ETV3: variants seen among roughly 807,000 people sequenced by gnomAD.
ETV3 encodes the protein ETS variant transcription factor 3, also known as ETS translocation variant 3.
Under a neutral mutation model 33.0 loss-of-function variants are expected in ETV3, and 8 were observed. The ratio of observed to expected loss-of-function variants is 0.24; its 90% confidence interval spans 0.14 to 0.44. The LOEUF (loss-of-function observed/expected upper bound fraction) is 0.44. ETV3 is among the 20% of genes least tolerant of loss of function. The pLI, the probability that ETV3 is intolerant of heterozygous loss-of-function variation, is 1.00. For synonymous variants in ETV3, 222 were observed against 238.9 expected (o/e 0.93, Z 0.65); for missense variants, 473 against 652.3 (o/e 0.73, Z 2.99).
At chr1:157,126,084 C>T (rs546349754) in intron 4 of ETV3, 105 bp from the exon 5 acceptor site, 1 of 1,044,066 alleles carries the variant, frequency 9.6e-7, no homozygotes, top group African/African-American at 1.6e-5. Context: ...AGGAAACAAT[C>T]ATTCCAACTG....
chr1:157,134,012 T>A lies in ETV3; in HGVS notation c.400+100A>T. 1.2e-5 allele frequency: 19 copies of A among 1,526,124 alleles called. No homozygotes were observed. In the South Asian group the frequency reaches 2.4e-4, roughly 19 times the overall value. The allele number at this position is 1,526,124 out of a possible 1,614,324, so 94.5% of individuals were successfully genotyped here. On this transcript the variant is annotated intron_variant, in intron 4 of 4. Transcript: ENST00000368192. ...TCCAAAGGATCACATTATTTTAGTG[T>A]TTCTAAAATCTTCCTAAACATGCCA... is the stretch of plus-strand genomic sequence containing the variant.
At chr1:157,133,664 A>C (rs1675025898) in intron 4 of ETV3, 1 of 990,426 alleles carries the variant, frequency 1.0e-6, no homozygotes, top group Non-Finnish European at 1.2e-6. Context: ...TTCTCTGATC[A>C]AGGATGCTGT....
chr1:157,137,620 G>A (rs1392297884), intron 1 of ETV3, among the ~76,000 whole-genome samples: 2 of 151,244 alleles, frequency 1.3e-5, no homozygotes, highest in Non-Finnish European at 2.9e-5. Context: ...TAGTGACAAT[G>A]AGGGAGGAAA....
At chr1:157,129,990 C>T (rs911431054) in intron 4 of ETV3, among the ~76,000 whole-genome samples, 5 of 151,926 alleles carry the variant, frequency 3.3e-5, no homozygotes, top group Admixed American at 6.6e-5. Context: ...ACTACAGGTG[C>T]GCACCACCAT....
intron 4 of ETV3, among the ~76,000 whole-genome samples, chr1:157,132,451 G>A (rs778692272): frequency 2.0e-5 from 3 of 152,320 alleles, no homozygotes; most frequent in Non-Finnish European, 4.4e-5. Flanking sequence ...GGTTGTCCAA[G>A]TGGCTGAAGT....
intron 1 of ETV3, among the ~76,000 whole-genome samples, chr1:157,137,136 A>G (rs1675130895): frequency 6.6e-6 from 1 of 152,122 alleles, no homozygotes; most frequent in Admixed American, 6.5e-5. Flanking sequence ...TTCCATCCAG[A>G]TTTACAGTTC....
At chr1:157,137,121 A>C (rs1185077002) in intron 1 of ETV3, among the ~76,000 whole-genome samples, 1 of 152,178 alleles carries the variant, frequency 6.6e-6, no homozygotes, top group African/African-American at 2.4e-5. Context: ...TGCGATTTGA[A>C]TTCATTCCAT....
chr1:157,136,434 G>T, intron 1 of ETV3, 69 bp from the exon 2 acceptor site: 2 of 1,426,060 alleles, frequency 1.4e-6, no homozygotes, highest in Non-Finnish European at 9.5e-7. Flanking sequence ...AAGTTTTCTG[G>T]CAGTCTCTCC....
chr1:157,132,652 T>G (rs1253703265), intron 4 of ETV3, among the ~76,000 whole-genome samples: 1 of 152,110 alleles, frequency 6.6e-6, no homozygotes, highest in Non-Finnish European at 1.5e-5. Flanking sequence ...GAAGCAAGAT[T>G]TGAGTGGCGA....
chr1:157,127,685 A>G (rs1159089340), intron 4 of ETV3, among the ~76,000 whole-genome samples: 1 of 151,752 alleles, frequency 6.6e-6, no homozygotes. Flanking sequence ...AGCTGGGATT[A>G]CAGGTGTGTG....
Position 157,124,774 on chromosome 1 carries a change from ATC to A in ETV3, c.*65_*66del. On this transcript the variant is annotated 3_prime_UTR_variant, in exon 5 of 5. Coordinates refer to ENST00000368192, the MANE Select transcript of ETV3 (RefSeq NM_001145312.3). ...TTAACTCCCTCCCCCCCACCCTGAAATCTTGCTACATAAATACATGTATGTAT... is the reference window on the plus strand; with the variant it reads ...TTAACTCCCTCCCCCCCACCCTGAAATTGCTACATAAATACATGTATGTAT... The A allele has an allele frequency of 2.1e-6, 1 of 473,226 alleles. No individual in the cohort carries two copies. Among genetic ancestry groups the A allele is most frequent in the Admixed American group, 5.3e-5 (1 of 18,850 alleles). The allele number at this position is 473,226 out of a possible 1,614,324, so 29.3% of individuals were successfully genotyped here. A position where few individuals can be genotyped will look rare whatever the true frequency, so the allele number is the denominator to read the frequency against.
intron 1 of ETV3, among the ~76,000 whole-genome samples, chr1:157,136,987 A>G (rs1675128301): frequency 6.6e-6 from 1 of 152,250 alleles, no homozygotes; most frequent in African/African-American, 2.4e-5. Flanking sequence ...ACTCTATTCA[A>G]AAAACACACA....
At chr1:157,132,404 C>A (rs1484545456) in intron 4 of ETV3, among the ~76,000 whole-genome samples, 1 of 152,184 alleles carries the variant, frequency 6.6e-6, no homozygotes, top group African/African-American at 2.4e-5. Context: ...CCTGGAAAAC[C>A]ACATTACTTC....
rs181038966 is a variant in ETV3, at chr1:157,129,651, T to G, written c.401-3672A>C. ...AGAGCCAAGAGGGTCCCAGGCCAAA[T>G]GTATTCTTCTACTAGCTTATTACAG... is the stretch of plus-strand genomic sequence containing the variant. On this transcript the variant is annotated intron_variant, in intron 4 of 4. Transcript: ENST00000368192. Among the ~76,000 whole-genome samples the G allele has an allele frequency of 5.4e-4, 82 of 152,284 alleles. No individual in the cohort carries two copies. The East Asian group carries it at 0.013, about 24-fold the overall frequency.
chr1:157,128,837 T>A (rs1228172382), intron 4 of ETV3, among the ~76,000 whole-genome samples: 2 of 152,204 alleles, frequency 1.3e-5, no homozygotes, highest in Non-Finnish European at 2.9e-5. Context: ...ATTAGATGAA[T>A]ATGTTTGGCT....
In ETV3 at chr1:157,135,165, A is replaced by C. The variant is rs1675068771; in HGVS notation, c.284+306T>G. On this transcript the variant is annotated intron_variant, in intron 3 of 4. Transcript: ENST00000368192. ...GTCTAAACTAATCCTTTGGATTATAAATGAACTCCAATCCATGTTTCACCA... is the reference window on the plus strand; with the variant it reads ...GTCTAAACTAATCCTTTGGATTATACATGAACTCCAATCCATGTTTCACCA... The C allele has an allele frequency of 1.7e-5, 8 of 479,786 alleles. No individual in the cohort carries two copies. In the South Asian group the frequency reaches 2.2e-4, roughly 13 times the overall value. The allele number at this position is 479,786 out of a possible 1,614,324, so 29.7% of individuals were successfully genotyped here. A position where few individuals can be genotyped will look rare whatever the true frequency, so the allele number is the denominator to read the frequency against.
intron 4 of ETV3, chr1:157,133,780 G>A (rs1675028454): frequency 9.4e-7 from 1 of 1,059,238 alleles, no homozygotes; most frequent in African/African-American, 1.7e-5. Context: ...ACTGGGCTGG[G>A]TGTTAAAACT....
At position 157,125,661 on chromosome 1, in the gene ETV3, T is replaced by C; in HGVS notation, c.719A>G (p.Tyr240Cys). 6.4e-7 allele frequency: 1 copy of C among 1,551,582 alleles called. No homozygotes were observed. Among genetic ancestry groups the C allele is most frequent in the South Asian group, 1.2e-5 (1 of 84,048 alleles). ...MLPLFARPGM[Y>C]PDPHSPFAVS... ...AGCGAAGGGACTGTGGGGGTCAGGG[T>C]ACATCCCTGGCCTAGCAAACAGAGG... The change falls in exon 5 of 5, where the codon TAC becomes TGC. Residue 240 changes from tyrosine to cysteine, a missense_variant. Physicochemically the swap from Tyr to Cys is radical, Grantham distance 194. Coordinates refer to ENST00000368192, the MANE Select transcript of ETV3 (RefSeq NM_001145312.3). The surrounding 1 kb of genome is among the most constrained non-coding windows in gnomAD (Gnocchi z 4.0).
At chr1:157,134,972 T>C (rs1484241212) in intron 3 of ETV3, 1 of 170,886 alleles carries the variant, frequency 5.9e-6, no homozygotes, top group African/African-American at 2.4e-5. Context: ...TAGTGATCAA[T>C]CTTTAGACAT....
Sources: gnomAD v4.1 joint callset for allele counts (sites outside exome capture counted in the v4.1 genomes callset) on GRCh38, gnomAD v4.1.1 for gene constraint, Gnocchi (gnomAD v3.1) non-coding constraint, MANE v1.5 for transcripts, NCBI Gene and HGNC (gene_info 2026-07-23, HGNC 2026-07-21) for gene names.